The following PHF21A variants were observed in gnomAD, a reference collection of about 807,000 sequenced individuals.
PHF21A encodes PHD finger protein 21A, also known as BHC80a.
A neutral mutation model predicts 82.5 loss-of-function variants in PHF21A; 11 were observed. The observed-to-expected ratio is 0.13, with a 90% CI of 0.08 to 0.22. The LOEUF is 0.22. PHF21A is among the 10% of genes least tolerant of loss of function. PHF21A has a pLI of 1.00. For missense variants in PHF21A, 579 were observed against 837.8 expected (o/e 0.69, Z 3.81); for synonymous variants, 297 against 302.8 (o/e 0.98, Z 0.20).
chr11:46,024,799 CAAAA>C (rs1256626472), intron 6 of PHF21A, among the ~76,000 whole-genome samples: 3 of 150,896 alleles, frequency 2.0e-5, no homozygotes, highest in Non-Finnish European at 4.4e-5. Flanking sequence ...GACTCCATCT[CAAAA>C]AAAAGAAAGA....
chr11:46,077,483 T>G (rs1033152178), intron 5 of PHF21A, among the ~76,000 whole-genome samples: 2 of 152,224 alleles, frequency 1.3e-5, no homozygotes, highest in Non-Finnish European at 2.9e-5. Flanking sequence ...ATTAAAGTTT[T>G]CAAATGCTTA....
chr11:46,075,368 C>A (rs931952830), intron 6 of PHF21A, among the ~76,000 whole-genome samples: 1 of 152,138 alleles, frequency 6.6e-6, no homozygotes, highest in African/African-American at 2.4e-5. Context: ...TGCTGGAACA[C>A]GTGAATTTTT....
chr11:45,934,116 T>C lies in PHF21A; in HGVS notation c.1898A>G (p.Lys633Arg). 1 of 1,614,156 alleles carries C rather than the reference T, an allele frequency of 6.2e-7. No individual in the cohort carries two copies. The change falls in exon 19 of 19, where the codon AAA becomes AGA. Residue 633 changes from lysine (K) to arginine (R), a missense_variant. By Grantham distance (26) the Lys-to-Arg change is conservative. Transcript: ENST00000676320. ...CACAGTGGCCTCAGAGTCTACAGGT[T>C]TGGAGAGGTCGATGCCGTGGATGAG... The part of the protein sequence containing the change: ...IRLIHGIDLS[K>R]PVDSEATVGA...
At chr11:45,941,925 T>G (rs2090429024) in intron 15 of PHF21A, among the ~76,000 whole-genome samples, 1 of 152,226 alleles carries the variant, frequency 6.6e-6, no homozygotes, top group South Asian at 2.1e-4. Context: ...ACACGGTACA[T>G]CCAGAGGATT....
rs560510601 is a variant in PHF21A at position 45,998,983 on chromosome 11, C to T, written c.154-19017G>A. On this transcript the variant is annotated intron_variant, in intron 6 of 18. Transcript: ENST00000676320. ...CTGGGATTACAGGCACCTGCCACCA[C>T]GCCTGGCTAATTTTTATATTTTTTG... 3.9e-5 allele frequency among the ~76,000 whole-genome samples: 6 copies of T among 152,106 alleles called. No individual in the cohort carries two copies. The East Asian group carries it at 7.7e-4, about 20-fold the overall frequency.
rs59583388 is a variant in PHF21A at position 45,968,931 on chromosome 11, CAAAAAAAAAAA to C, written c.702+873_702+883del. On this transcript the variant is annotated intron_variant, in intron 9 of 18. Coordinates refer to ENST00000676320, the MANE Select transcript of PHF21A (RefSeq NM_001352027.3). ...GTGCGATGGGAGCGAAACTCCATTGCAAAAAAAAAAAAAAAAAAAAAAAAAATAGGCAGGTA... is the reference window on the plus strand; with the variant it reads ...GTGCGATGGGAGCGAAACTCCATTGCAAAAAAAAAAAAAAATAGGCAGGTA... Among the ~76,000 whole-genome samples the C allele has an allele frequency of 1.8e-3, 155 of 85,634 alleles. 1 individual carries two copies. The highest frequency in any genetic ancestry group is 2.1e-3 in the Non-Finnish European group (75 of 35,176). 56.2% of individuals were successfully genotyped at this position (85,634 alleles called of 152,430 possible). A position where few individuals can be genotyped will look rare whatever the true frequency, so the allele number is the denominator to read the frequency against.
chr11:45,940,471 G>T (rs2090138300), intron 15 of PHF21A, among the ~76,000 whole-genome samples: 1 of 152,162 alleles, frequency 6.6e-6, no homozygotes. Context: ...TGGGATTACA[G>T]GTGTGAGCCA....
At chr11:46,065,784 G>T (rs887567971) in intron 6 of PHF21A, among the ~76,000 whole-genome samples, 4 of 152,184 alleles carry the variant, frequency 2.6e-5, no homozygotes, top group African/African-American at 7.2e-5. Flanking sequence ...TATAAAGCGG[G>T]TGTATAAGGG....
intron 7 of PHF21A, 61 bp downstream of exon 7, chr11:45,979,699 T>C (rs1212907690): frequency 6.2e-7 from 1 of 1,611,038 alleles, no homozygotes; most frequent in Non-Finnish European, 8.5e-7. Flanking sequence ...CCCAGTTCTA[T>C]ATGACCAACA....
chr11:46,027,694 G>A (rs770819420), intron 6 of PHF21A, among the ~76,000 whole-genome samples: 1 of 152,172 alleles, frequency 6.6e-6, no homozygotes, highest in African/African-American at 2.4e-5. Flanking sequence ...AACACACAGA[G>A]CTATGAGAAG....
At chr11:45,946,528 C>T (rs1049885753) in intron 14 of PHF21A, among the ~76,000 whole-genome samples, 5 of 152,036 alleles carry the variant, frequency 3.3e-5, no homozygotes, top group African/African-American at 1.2e-4. Context: ...GGACAACAGG[C>T]GTGTGCCCAG....
chr11:46,073,085 T>G (rs556396806), intron 6 of PHF21A, among the ~76,000 whole-genome samples: 1 of 152,178 alleles, frequency 6.6e-6, no homozygotes, highest in African/African-American at 2.4e-5. Flanking sequence ...TCCCAGCACT[T>G]TGGGAGGCCG....
rs183922127 is a variant in PHF21A, at chr11:46,010,117, G to A, written c.154-30151C>T. ...AAATATGCCAAGTTTGAGAGTTACTGCAGGAATGAGAACAATCATTTAAAG... is the reference window on the plus strand; with the variant it reads ...AAATATGCCAAGTTTGAGAGTTACTACAGGAATGAGAACAATCATTTAAAG... On this transcript the variant is annotated intron_variant, in intron 6 of 18. Transcript: ENST00000676320. 2.7e-4 allele frequency among the ~76,000 whole-genome samples: 41 copies of A among 152,256 alleles called. 1 individual carries two copies. The highest frequency in any genetic ancestry group is 2.7e-3 in the Admixed American group (41 of 15,298).
At chr11:46,053,712 C>T (rs951275779) in intron 6 of PHF21A, among the ~76,000 whole-genome samples, 5 of 152,130 alleles carry the variant, frequency 3.3e-5, no homozygotes, top group African/African-American at 4.8e-5. Flanking sequence ...ATCTTCCTCC[C>T]GTTCTTCTTC....
chr11:46,014,468 A>G (rs1425076562), intron 6 of PHF21A, among the ~76,000 whole-genome samples: 2 of 152,220 alleles, frequency 1.3e-5, no homozygotes, highest in African/African-American at 4.8e-5. Context: ...TGTGGCAATG[A>G]ACATACAAGT....
chr11:45,934,380 G>A, intron 18 of PHF21A, 155 bp from the exon 19 acceptor site: 1 of 719,384 alleles, frequency 1.4e-6, no homozygotes, highest in Non-Finnish European at 2.3e-6. Context: ...TCAGTGGAGT[G>A]GGCGGCTACC....
intron 1 of PHF21A, among the ~76,000 whole-genome samples, chr11:46,093,812 GA>G (rs2096956747): frequency 6.6e-6 from 1 of 152,128 alleles, no homozygotes; most frequent in African/African-American, 2.4e-5. Flanking sequence ...TTAGGCTGGG[GA>G]TAATTTCTTA....
At chr11:46,099,996 A>G (rs566512225) in intron 1 of PHF21A, among the ~76,000 whole-genome samples, 1 of 152,278 alleles carries the variant, frequency 6.6e-6, no homozygotes, top group East Asian at 1.9e-4. Flanking sequence ...CTTAATGAAC[A>G]TTTATCTTTT....
chr11:46,068,821 C>T (rs2096624338), intron 6 of PHF21A, among the ~76,000 whole-genome samples: 1 of 152,192 alleles, frequency 6.6e-6, no homozygotes, highest in Non-Finnish European at 1.5e-5. Context: ...GATAAACTTA[C>T]AAGAGGATTG....
Sources: gnomAD v4.1 joint callset for allele counts (sites outside exome capture counted in the v4.1 genomes callset) on GRCh38, gnomAD v4.1.1 for gene constraint, MANE v1.5 for transcripts, NCBI Gene and HGNC (gene_info 2026-07-23, HGNC 2026-07-21) for gene names.